ADGRL3: variants seen among roughly 807,000 people sequenced by gnomAD.
ADGRL3 encodes adhesion G protein-coupled receptor L3.
ADGRL3 carries 62 observed loss-of-function variants against 153.5 expected under a neutral mutation model. The ratio of observed to expected loss-of-function variants is 0.40; its 90% CI spans 0.33 to 0.50. The LOEUF (loss-of-function observed/expected upper bound fraction) is 0.50, where lower values mean the gene tolerates loss of function less well. Among genes scored for constraint, ADGRL3 ranks in the 20% least tolerant of loss-of-function variants. The probability of loss-of-function intolerance (pLI) is 0.47; values close to 1 mark genes in which losing one functional copy is unlikely to be tolerated. For synonymous variants in ADGRL3, 710 were observed against 672.5 expected (o/e 1.06, Z -0.86); for missense variants, 1,641 against 1,859.4 (o/e 0.88, Z 2.16).
intron 5 of ADGRL3, among the ~76,000 whole-genome samples, chr4:61,646,301 C>T (rs1377137770): frequency 1.3e-5 from 2 of 152,218 alleles, no homozygotes; most frequent in East Asian, 1.9e-4. Context: ...AGTCATTCTC[C>T]ATCCAGCTTT....
chr4:61,888,061 A>G (rs1273958698), intron 9 of ADGRL3, among the ~76,000 whole-genome samples: 1 of 152,162 alleles, frequency 6.6e-6, no homozygotes, highest in African/African-American at 2.4e-5. Flanking sequence ...ATTTCAAAGG[A>G]CAGGAGAATT....
At chr4:61,625,652 A>G (rs2092789155) in intron 5 of ADGRL3, among the ~76,000 whole-genome samples, 1 of 152,072 alleles carries the variant, frequency 6.6e-6, no homozygotes, top group Non-Finnish European at 1.5e-5. Context: ...GGTCAGACAA[A>G]TATATAAAAA....
At position 61,593,144 on chromosome 4, in the gene ADGRL3, T is replaced by C. The variant is rs145656808; in HGVS notation, c.473+5704T>C. Among the ~76,000 whole-genome samples, 156 of 152,322 alleles carry C rather than the reference T, an allele frequency of 1.0e-3. 1 individual carries two copies. Among genetic ancestry groups the C allele is most frequent in the African/African-American group, 3.6e-3 (149 of 41,590 alleles). On this transcript the variant is annotated intron_variant, in intron 5 of 26. Transcript: ENST00000683033. ...GGAAACTAATAAAAACTCTACACTT[T>C]AACTTCATCCTCCCACTTTTTAACA...
intron 1 of ADGRL3, among the ~76,000 whole-genome samples, chr4:61,257,261 G>T (rs1299699098): frequency 6.6e-6 from 1 of 152,128 alleles, no homozygotes; most frequent in Non-Finnish European, 1.5e-5. Flanking sequence ...TGTAGTCTGT[G>T]ATAGATCACA....
At chr4:61,401,205 A>G (rs138463366) in intron 2 of ADGRL3, among the ~76,000 whole-genome samples, 174 of 151,984 alleles carry the variant, frequency 1.1e-3, no homozygotes, top group African/African-American at 4.0e-3. Context: ...GTTAATTTGT[A>G]TCACATAAAA....
In ADGRL3 at chr4:61,930,784, T is replaced by C. The variant is rs566840728; in HGVS notation, c.2113-4056T>C. On this transcript the variant is annotated intron_variant, in intron 13 of 26. Coordinates refer to ENST00000683033, the MANE Select transcript of ADGRL3 (RefSeq NM_001387552.1). ...ATTTTTAGAAACAGTCAAAAGTCAC[T>C]GAGAGTTTAGTGAGTATACTGTACA... Among the ~76,000 whole-genome samples the C allele has an allele frequency of 2.0e-5, 3 of 152,206 alleles. No homozygotes were observed. The South Asian group carries it at 6.2e-4, about 32-fold the overall frequency.
At chr4:61,875,752 G>A (rs1355831196) in intron 9 of ADGRL3, among the ~76,000 whole-genome samples, 1 of 152,098 alleles carries the variant, frequency 6.6e-6, no homozygotes, top group African/African-American at 2.4e-5. Context: ...GTTCTTTTCA[G>A]ATACTATTTT....
chr4:61,479,341 G>GC (rs1326651438), intron 2 of ADGRL3, among the ~76,000 whole-genome samples: 2 of 151,960 alleles, frequency 1.3e-5, no homozygotes, highest in East Asian at 3.9e-4. Context: ...TACACACACC[G>GC]CCCCCCATGC....
At chr4:61,636,885 A>G (rs758517531) in intron 5 of ADGRL3, among the ~76,000 whole-genome samples, 6 of 151,944 alleles carry the variant, frequency 3.9e-5, no homozygotes, top group Non-Finnish European at 7.4e-5. Context: ...TAATAACAAT[A>G]TAATGTGTTT....
At chr4:61,388,003 T>C (rs2096759062) in intron 2 of ADGRL3, among the ~76,000 whole-genome samples, 1 of 152,146 alleles carries the variant, frequency 6.6e-6, no homozygotes, top group Non-Finnish European at 1.5e-5. Context: ...CAATCCATGT[T>C]CTTCTGCCAT....
chr4:61,547,601 T>C (rs1317789578), intron 4 of ADGRL3, among the ~76,000 whole-genome samples: 1 of 151,908 alleles, frequency 6.6e-6, no homozygotes, highest in Admixed American at 6.6e-5. Context: ...TCATTCTTTT[T>C]ATGGCTGCAT....
chr4:61,220,768 T>C (rs953582962), intron 1 of ADGRL3, among the ~76,000 whole-genome samples: 1 of 152,220 alleles, frequency 6.6e-6, no homozygotes, highest in African/African-American at 2.4e-5. Flanking sequence ...CTATCTTTTT[T>C]ATCTCTGACT....
At chr4:61,549,169 T>A (rs2098728798) in intron 4 of ADGRL3, among the ~76,000 whole-genome samples, 1 of 152,240 alleles carries the variant, frequency 6.6e-6, no homozygotes, top group South Asian at 2.1e-4. Context: ...GCTACTGATA[T>A]TTGTATATTG....
intron 6 of ADGRL3, among the ~76,000 whole-genome samples, chr4:61,688,017 T>A (rs1442182781): frequency 1.3e-5 from 2 of 152,130 alleles, no homozygotes; most frequent in South Asian, 4.1e-4. Context: ...AACATACGGT[T>A]TTCTCATCAT....
chr4:61,372,749 G>A (rs1578498886), intron 1 of ADGRL3, among the ~76,000 whole-genome samples: 3 of 152,202 alleles, frequency 2.0e-5, no homozygotes, highest in East Asian at 3.9e-4. Context: ...AGCTGTGGTG[G>A]GCTCCACCCA....
At chr4:61,372,569 G>A (rs1268240449) in intron 1 of ADGRL3, among the ~76,000 whole-genome samples, 1 of 152,200 alleles carries the variant, frequency 6.6e-6, no homozygotes, top group Non-Finnish European at 1.5e-5. Flanking sequence ...ATCCACTTGA[G>A]GAGGCAGTCT....
chr4:61,609,243 C>T (rs949789412), intron 5 of ADGRL3, among the ~76,000 whole-genome samples: 1 of 152,052 alleles, frequency 6.6e-6, no homozygotes, highest in Non-Finnish European at 1.5e-5. Context: ...AAAATTTGCT[C>T]ATCAGTATTC....
chr4:61,864,239 C>T (rs2098378819), intron 9 of ADGRL3, among the ~76,000 whole-genome samples: 1 of 151,940 alleles, frequency 6.6e-6, no homozygotes, highest in Non-Finnish European at 1.5e-5. Flanking sequence ...TAATGATTGC[C>T]ATATATTAGT....
At chr4:61,270,276 G>A (rs894196307) in intron 1 of ADGRL3, among the ~76,000 whole-genome samples, 4 of 151,614 alleles carry the variant, frequency 2.6e-5, no homozygotes, top group African/African-American at 4.8e-5. Flanking sequence ...TAAGTGCCAG[G>A]ACCATGTTTT....
Sources: gnomAD v4.1 joint callset for allele counts (sites outside exome capture counted in the v4.1 genomes callset) on GRCh38, gnomAD v4.1.1 for gene constraint, MANE v1.5 for transcripts, NCBI Gene and HGNC (gene_info 2026-07-23, HGNC 2026-07-21) for gene names.